SORCS2: variants seen among roughly 807,000 people sequenced by gnomAD.
SORCS2 encodes VPS10 domain-containing receptor SorCS2.
In SORCS2, 100 loss-of-function variants were observed where a neutral mutation model predicts 141.6. That is an observed-to-expected ratio of 0.71 (90% confidence interval 0.60 to 0.83). SORCS2 has a LOEUF of 0.83. SORCS2 is among the 40% of genes least tolerant of loss of function. SORCS2 has a pLI of 0.00. For synonymous variants in SORCS2, 789 were observed against 676.9 expected (o/e 1.17, Z -2.57); for missense variants, 1,646 against 1,560.2 (o/e 1.05, Z -0.93).
chr4:7,461,038 C>T (rs977686008), intron 2 of SORCS2, among the ~76,000 whole-genome samples: 3 of 152,152 alleles, frequency 2.0e-5, no homozygotes, highest in African/African-American at 7.2e-5. Flanking sequence ...TGCCAGGCTG[C>T]AGGCAGACCT....
At chr4:7,226,789 G>A (rs909218927) in intron 1 of SORCS2, among the ~76,000 whole-genome samples, 2 of 152,156 alleles carry the variant, frequency 1.3e-5, no homozygotes, top group African/African-American at 4.8e-5. Flanking sequence ...AGGGGGGCAC[G>A]CCTGCTCCCC....
chr4:7,364,264 T>G (rs1050965796), intron 1 of SORCS2, among the ~76,000 whole-genome samples: 4 of 152,244 alleles, frequency 2.6e-5, no homozygotes. Context: ...TAGTCTGAAG[T>G]GAACTGAATC....
In SORCS2 at chr4:7,640,684, C is replaced by G. The variant is rs527581975; in HGVS notation, c.813+2192C>G. On this transcript the variant is annotated intron_variant, in intron 4 of 26. Transcript: ENST00000507866. ...CCTTTCTGCCCTGTGAGGTGATGGT[C>G]CCAGGTTCTAAGGATTAGGACATAG... is the stretch of plus-strand genomic sequence containing the variant. 4.5e-4 allele frequency among the ~76,000 whole-genome samples: 69 copies of G among 152,046 alleles called. 1 individual carries two copies. Among genetic ancestry groups the G allele is most frequent in the Non-Finnish European group, 8.2e-4 (56 of 67,974 alleles).
intron 3 of SORCS2, among the ~76,000 whole-genome samples, chr4:7,615,124 G>T (rs1289468180): frequency 2.6e-5 from 4 of 152,060 alleles, no homozygotes. Context: ...TCCTCCATCT[G>T]TTCATCCATC....
chr4:7,539,086 T>C (rs900568680), intron 3 of SORCS2, among the ~76,000 whole-genome samples: 2 of 152,152 alleles, frequency 1.3e-5, no homozygotes, highest in African/African-American at 4.8e-5. Flanking sequence ...CCATAGCCGG[T>C]GGGCTGCTGA....
chr4:7,544,898 C>T (rs951732374), intron 3 of SORCS2, among the ~76,000 whole-genome samples: 2 of 152,150 alleles, frequency 1.3e-5, no homozygotes, highest in East Asian at 3.9e-4. Context: ...GAGTGTGGAG[C>T]CCTGAGGAGG....
At chr4:7,344,782 A>T (rs996198887) in intron 1 of SORCS2, among the ~76,000 whole-genome samples, 1 of 152,172 alleles carries the variant, frequency 6.6e-6, no homozygotes, top group Non-Finnish European at 1.5e-5. Context: ...AATAAACCCC[A>T]TACTGCACCT....
chr4:7,439,807 G>A (rs557289985), intron 2 of SORCS2, among the ~76,000 whole-genome samples: 65 of 152,300 alleles, frequency 4.3e-4, no homozygotes, highest in African/African-American at 1.4e-3. Flanking sequence ...CTGGCATGGG[G>A]TGGTTTCCAG....
intron 17 of SORCS2, 118 bp from the exon 18 acceptor site, chr4:7,717,894 C>A: frequency 9.0e-7 from 1 of 1,105,994 alleles, no homozygotes; most frequent in Non-Finnish European, 1.2e-6. Context: ...AAGTAGAGTC[C>A]TAGGGGTGGG....
intron 26 of SORCS2, 111 bp downstream of exon 26, chr4:7,737,283 A>T: frequency 1.3e-5 from 19 of 1,445,972 alleles, no homozygotes; most frequent in Non-Finnish European, 1.8e-5. Flanking sequence ...GGCCAGCAAA[A>T]CGCTGGCCCA....
chr4:7,629,145 T>C (rs1337716336), intron 3 of SORCS2, among the ~76,000 whole-genome samples: 2 of 152,182 alleles, frequency 1.3e-5, no homozygotes, highest in Non-Finnish European at 2.9e-5. Context: ...ATTGGCTTGA[T>C]TTAATCATTG....
chr4:7,285,596 T>C (rs1243421399), intron 1 of SORCS2, among the ~76,000 whole-genome samples: 1 of 152,210 alleles, frequency 6.6e-6, no homozygotes, highest in Non-Finnish European at 1.5e-5. Context: ...CTCCTTCCCA[T>C]GCTTTCTGCC....
intron 3 of SORCS2, among the ~76,000 whole-genome samples, chr4:7,625,413 A>G (rs1170609174): frequency 1.3e-5 from 2 of 151,898 alleles, no homozygotes; most frequent in Non-Finnish European, 2.9e-5. Context: ...CATCTCCCAC[A>G]TGTAGCATTG....
intron 2 of SORCS2, among the ~76,000 whole-genome samples, chr4:7,439,629 G>T (rs529557158): frequency 6.6e-6 from 1 of 152,126 alleles, no homozygotes. Context: ...CTTGAACCTC[G>T]CATTGGTGGA....
chr4:7,697,153 C>A (rs758890461), intron 11 of SORCS2, 45 bp from the exon 12 acceptor site: 22 of 1,509,292 alleles, frequency 1.5e-5, no homozygotes, highest in Middle Eastern at 1.7e-4. Context: ...AGGGGTAAAG[C>A]TGGACGATCC....
At chr4:7,211,606 C>T (rs896213804) in intron 1 of SORCS2, among the ~76,000 whole-genome samples, 6 of 152,176 alleles carry the variant, frequency 3.9e-5, no homozygotes, top group African/African-American at 1.4e-4. Context: ...CTCCTGATCT[C>T]AAGTGATCCC....
At chr4:7,735,904 G>A (rs780935024) in intron 25 of SORCS2, among the ~76,000 whole-genome samples, 3 of 151,842 alleles carry the variant, frequency 2.0e-5, no homozygotes, top group South Asian at 2.1e-4. Flanking sequence ...GGCGGCCTTC[G>A]AGCCCAGGCT....
chr4:7,733,772 G>A (rs1451095318), intron 24 of SORCS2, among the ~76,000 whole-genome samples: 5 of 152,320 alleles, frequency 3.3e-5, no homozygotes, highest in South Asian at 2.1e-4. Flanking sequence ...TAAAGACACC[G>A]TGCCCTTGAA....
chr4:7,400,688 CAGAT>C (rs1459431320), intron 2 of SORCS2, among the ~76,000 whole-genome samples: 9 of 149,702 alleles, frequency 6.0e-5, no homozygotes, highest in South Asian at 2.1e-4. Context: ...AATGGCTTGA[CAGAT>C]GGATGGATGA....
Sources: allele counts gnomAD v4.1 joint callset (sites outside exome capture counted in the v4.1 genomes callset), GRCh38; gene constraint gnomAD v4.1.1; transcripts MANE v1.5; gene names NCBI Gene and HGNC (gene_info 2026-07-23, HGNC 2026-07-21).